The following TUT4 variants were observed in gnomAD, a reference collection of about 807,000 sequenced individuals.
The protein encoded by TUT4 is terminal uridylyl transferase 4.
In TUT4, 36 loss-of-function variants were observed where a neutral mutation model predicts 192.2. The ratio of observed to expected loss-of-function variants is 0.19; its 90% CI spans 0.14 to 0.25. The LOEUF is 0.25. Among genes scored for constraint, TUT4 ranks in the 10% least tolerant of loss-of-function variants. TUT4 has a pLI of 1.00. For synonymous variants in TUT4, 618 were observed against 666.0 expected (o/e 0.93, Z 1.11); for missense variants, 1,493 against 1,957.2 (o/e 0.76, Z 4.47).
At chr1:52,449,787 C>T (rs1408897984) in intron 20 of TUT4, among the ~76,000 whole-genome samples, 1 of 152,136 alleles carries the variant, frequency 6.6e-6, no homozygotes, top group African/African-American at 2.4e-5. Context: ...CCATTTCTCC[C>T]TCCTTGAGAT....
chr1:52,540,439 G>A (rs115024836), intron 1 of TUT4, among the ~76,000 whole-genome samples: 145 of 150,772 alleles, frequency 9.6e-4, no homozygotes, highest in African/African-American at 3.1e-3. Context: ...CACTTGAACC[G>A]GGGAGGTAGA....
chr1:52,445,742 A>G (rs1246061352), intron 24 of TUT4, 45 bp downstream of exon 24: 1 of 1,416,150 alleles, frequency 7.1e-7, no homozygotes, highest in African/African-American at 1.4e-5. Context: ...TTCTTGTTCT[A>G]TTTAAAAAAA....
chr1:52,515,610 G>C (rs1023535358), intron 3 of TUT4: 1 of 518,590 alleles, frequency 1.9e-6, no homozygotes, highest in Non-Finnish European at 3.4e-6. Context: ...GGGGAGACTA[G>C]GTGTATTTTA....
At chr1:52,429,861 T>C (rs1350455169) in intron 28 of TUT4, among the ~76,000 whole-genome samples, 1 of 152,156 alleles carries the variant, frequency 6.6e-6, no homozygotes, top group African/African-American at 2.4e-5. Flanking sequence ...TCCAAAGTTC[T>C]GGGATTACAG....
chr1:52,455,277 C>A (rs188120478), intron 20 of TUT4, among the ~76,000 whole-genome samples: 1 of 152,142 alleles, frequency 6.6e-6, no homozygotes, highest in East Asian at 1.9e-4. Flanking sequence ...GAGCAAGACC[C>A]TCTCTCAAAA....
At position 52,526,383 on chromosome 1, in the gene TUT4, T is replaced by TA. The variant is rs1224187487; in HGVS notation, c.-93-11dup. 67 of 1,055,940 alleles carry TA rather than the reference T, an allele frequency of 6.3e-5. No individual in the cohort carries two copies. The highest frequency in any genetic ancestry group is 3.5e-4 in the Middle Eastern group (1 of 2,836). 65.4% of individuals were successfully genotyped at this position (1,055,940 alleles called of 1,614,324 possible). A position where few individuals can be genotyped will look rare whatever the true frequency, so the allele number is the denominator to read the frequency against. The stretch of plus-strand genomic sequence containing the variant: ...AGTTTAGGCAAGCAAACTATTGGGT[T>TA]AAAAAAAAGAGAAAAATCTGTTATT... On this transcript the variant is annotated splice_polypyrimidine_tract_variant and intron_variant, in intron 1 of 29. Coordinates refer to ENST00000257177, the MANE Select transcript of TUT4 (RefSeq NM_001009881.3).
At chr1:52,513,218 C>T (rs925925482) in intron 3 of TUT4, among the ~76,000 whole-genome samples, 2 of 150,710 alleles carry the variant, frequency 1.3e-5, no homozygotes, top group Admixed American at 1.3e-4. Flanking sequence ...TCCGGGCAAC[C>T]TGGCAAAACA....
At chr1:52,473,689 T>C (rs1006699586) in intron 13 of TUT4, among the ~76,000 whole-genome samples, 1 of 152,172 alleles carries the variant, frequency 6.6e-6, no homozygotes, top group Non-Finnish European at 1.5e-5. Context: ...TAAGGCTAGA[T>C]GACTTTCCTT....
At chr1:52,461,342 C>G in intron 18 of TUT4, 119 bp from the exon 19 acceptor site, 1 of 1,127,652 alleles carries the variant, frequency 8.9e-7, no homozygotes, top group Non-Finnish European at 1.2e-6. Context: ...TGTAAAACAC[C>G]TATTAATGAG....
In TUT4 at chr1:52,501,775, C is replaced by A. The variant is rs1015467099; in HGVS notation, c.1000-4592G>T. Among the ~76,000 whole-genome samples the A allele has an allele frequency of 3.9e-5, 6 of 152,112 alleles. 1 individual carries two copies. Among genetic ancestry groups the A allele is most frequent in the Middle Eastern group, 6.8e-3 (2 of 294 alleles). On this transcript the variant is annotated intron_variant, in intron 4 of 29. Transcript: ENST00000257177. ...ACAGATACGATGGAATATTATTCAA[C>A]CTCAAAAAGGAAAGAAATTCTGACA...
chr1:52,448,020 G>GC (rs1364951693), intron 20 of TUT4, among the ~76,000 whole-genome samples: 2 of 152,090 alleles, frequency 1.3e-5, no homozygotes, highest in Non-Finnish European at 2.9e-5. Context: ...TACATGTCTG[G>GC]CCCCTCCAAT....
In TUT4 at chr1:52,513,455, A is replaced by T. The variant is rs559504864; in HGVS notation, c.882+2436T>A. The stretch of plus-strand genomic sequence containing the variant: ...CCAAGTTCAAGAGGCCAAATAATTT[A>T]AAAAAAAAAAAGAGTACAATGAATT... On this transcript the variant is annotated intron_variant, in intron 3 of 29. Transcript: ENST00000257177. Among the ~76,000 whole-genome samples the T allele has an allele frequency of 7.8e-4, 111 of 142,568 alleles. 1 individual carries two copies. Among genetic ancestry groups the T allele is most frequent in the South Asian group, 5.7e-3 (26 of 4,562 alleles). The allele number at this position is 142,568 out of a possible 152,430, so 93.5% of individuals were successfully genotyped here. A position where few individuals can be genotyped will look rare whatever the true frequency, so the allele number is the denominator to read the frequency against.
chr1:52,436,400 C>T (rs1036528114), intron 26 of TUT4, among the ~76,000 whole-genome samples: 4 of 151,066 alleles, frequency 2.6e-5, no homozygotes, highest in South Asian at 4.2e-4. Flanking sequence ...GCAGGAGAAT[C>T]GCTTGAACCC....
chr1:52,474,388 T>C (rs909516355), intron 13 of TUT4, among the ~76,000 whole-genome samples: 1 of 152,200 alleles, frequency 6.6e-6, no homozygotes, highest in Admixed American at 6.5e-5. Context: ...TTTAGTATGC[T>C]TATATTTCCC....
chr1:52,525,271 A>G (rs914263372), intron 2 of TUT4, among the ~76,000 whole-genome samples: 11 of 152,204 alleles, frequency 7.2e-5, no homozygotes, highest in African/African-American at 2.4e-4. Context: ...TTTAAACAAG[A>G]GTGTGTATGT....
intron 26 of TUT4, among the ~76,000 whole-genome samples, chr1:52,436,539 T>TG (rs1395753244): frequency 6.6e-6 from 1 of 152,074 alleles, no homozygotes; most frequent in East Asian, 1.9e-4. Flanking sequence ...GGGAGATAAT[T>TG]GAATACAACA....
intron 14 of TUT4, 98 bp from the exon 15 acceptor site, chr1:52,468,365 T>C (rs1365286471): frequency 6.8e-6 from 6 of 884,140 alleles, no homozygotes; most frequent in Non-Finnish European, 9.9e-6. Context: ...TTACTTACAG[T>C]TTGTTCATTA....
intron 19 of TUT4, among the ~76,000 whole-genome samples, chr1:52,460,653 A>G (rs549520300): frequency 6.6e-6 from 1 of 152,328 alleles, no homozygotes; most frequent in East Asian, 1.9e-4. Context: ...ACAATGAACT[A>G]GAGAAACAGA....
chr1:52,536,070 A>G (rs1008002164), intron 1 of TUT4, among the ~76,000 whole-genome samples: 8 of 152,262 alleles, frequency 5.3e-5, no homozygotes, highest in African/African-American at 2.4e-5. Context: ...GAACACTAGT[A>G]AAAATAACTA....
Sources: gnomAD v4.1 joint callset for allele counts (sites outside exome capture counted in the v4.1 genomes callset) on GRCh38, gnomAD v4.1.1 for gene constraint, MANE v1.5 for transcripts, NCBI Gene and HGNC (gene_info 2026-07-23, HGNC 2026-07-21) for gene names.